Variants in RNF32 observed in about 807,000 individuals in gnomAD.
RNF32 encodes the protein ring finger protein 32.
In RNF32, 36 loss-of-function variants were observed where a neutral mutation model predicts 41.0. The ratio of observed to expected loss-of-function variants is 0.88; its 90% CI spans 0.67 to 1.16. RNF32 has a LOEUF of 1.16. Ranked by LOEUF, RNF32 falls within the 50% of genes most tolerant of loss-of-function variation. The pLI, the probability that RNF32 is intolerant of heterozygous loss-of-function variation, is 0.00. For missense variants in RNF32, 413 were observed against 436.7 expected, an observed-to-expected ratio of 0.95 and a Z score of 0.48; for synonymous variants, 154 against 160.9, an observed-to-expected ratio of 0.96 and a Z score of 0.32.
chr7:156,661,190 A>T (rs1257581477), intron 7 of RNF32, among the ~76,000 whole-genome samples: 11 of 132,258 alleles, frequency 8.3e-5, no homozygotes, highest in Admixed American at 7.3e-4. Flanking sequence ...ACTTCAGCTT[A>T]AACTCCAGCA....
intron 7 of RNF32, among the ~76,000 whole-genome samples, chr7:156,667,347 T>C (rs1000282111): frequency 3.3e-5 from 5 of 152,226 alleles, no homozygotes; most frequent in African/African-American, 1.2e-4. Flanking sequence ...ATATTTTTTT[T>C]AAATGTTTAG....
In RNF32 at chr7:156,667,936, A is replaced by T. The variant is rs1054642792; in HGVS notation, c.685-7760A>T. Among the ~76,000 whole-genome samples the T allele has an allele frequency of 2.0e-5, 3 of 152,214 alleles. No homozygotes were observed. The South Asian group carries it at 6.2e-4, about 31-fold the overall frequency. Reference sequence around the variant, plus strand: ...AAAGTTGACGTTTTACTGAATTTTGACGCTGAAAGTAACTTGAAAATCATT... The same window carrying T: ...AAAGTTGACGTTTTACTGAATTTTGTCGCTGAAAGTAACTTGAAAATCATT... On this transcript the variant is annotated intron_variant, in intron 7 of 8. Coordinates refer to ENST00000317955, the MANE Select transcript of RNF32 (RefSeq NM_030936.4).
At chr7:156,658,771 C>T (rs1433716176) in intron 7 of RNF32, 1 of 921,238 alleles carries the variant, frequency 1.1e-6, no homozygotes, top group East Asian at 2.6e-5. Context: ...TCTAGACTTT[C>T]TTTTCTAGTT....
intron 8 of RNF32, 171 bp from the exon 9 acceptor site, chr7:156,676,248 T>TAC: frequency 2.6e-6 from 4 of 1,533,438 alleles, no homozygotes. Flanking sequence ...TGTGTGTGTA[T>TAC]ATATATATGT....
chr7:156,676,527 T>C lies in RNF32; in HGVS notation c.961T>C (p.Ser321Pro), dbSNP rs762253176. 2 of 1,614,000 alleles carry C rather than the reference T, an allele frequency of 1.2e-6. No homozygotes were observed. The highest frequency in any genetic ancestry group is 1.7e-6 in the Non-Finnish European group (2 of 1,179,994). ...GCGTTCCAGAGAGATGGCCCTCCTGTCCTGCTCACATGTGTTCCACCATGC... is the reference window on the plus strand; with the variant it reads ...GCGTTCCAGAGAGATGGCCCTCCTGCCCTGCTCACATGTGTTCCACCATGC... Reference protein sequence around the residue: ...GRRSREMALLSCSHVFHHACL... With the variant: ...GRRSREMALLPCSHVFHHACL... The change falls in exon 9 of 9, where the codon TCC becomes CCC. Residue 321 changes from serine (S) to proline (P), a missense_variant. Transcript: ENST00000317955.
At chr7:156,661,773 A>G (rs74606075) in intron 7 of RNF32, among the ~76,000 whole-genome samples, 1 of 152,220 alleles carries the variant, frequency 6.6e-6, no homozygotes, top group South Asian at 2.1e-4. Flanking sequence ...GGCCTACTAC[A>G]TTAATGTTAT....
intron 1 of RNF32, among the ~76,000 whole-genome samples, chr7:156,643,319 GT>G (rs1797601328): frequency 6.6e-6 from 1 of 152,188 alleles, no homozygotes. Context: ...GTTAGCCAGT[GT>G]TCCTCTTGCG....
In RNF32 at chr7:156,640,822, G is replaced by GC; in HGVS notation, c.-78+12dup. On this transcript the variant is annotated intron_variant, in intron 1 of 8. Coordinates refer to ENST00000317955, the MANE Select transcript of RNF32 (RefSeq NM_030936.4). ...CGCGGAGGAGTCGAGGCACGGAGAG[G>GC]CTTCGGGGGAGGGACGGAAAGAAGG... The GC allele has an allele frequency of 4.6e-6, 1 of 215,464 alleles. No homozygotes were observed. Among genetic ancestry groups the GC allele is most frequent in the South Asian group, 5.0e-5 (1 of 20,132 alleles). The allele number at this position is 215,464 out of a possible 1,614,324, so 13.3% of individuals were successfully genotyped here. A position where few individuals can be genotyped will look rare whatever the true frequency, so the allele number is the denominator to read the frequency against.
chr7:156,662,631 C>T (rs58899462), intron 7 of RNF32, among the ~76,000 whole-genome samples: 2,115 of 151,762 alleles, frequency 0.014, 58 homozygotes, highest in East Asian at 0.12. Context: ...TGTAGATACA[C>T]AGAAAGGGAG....
intron 8 of RNF32, 119 bp downstream of exon 8, chr7:156,675,982 C>T (rs200783898): frequency 2.9e-4 from 308 of 1,051,834 alleles, no homozygotes; most frequent in Non-Finnish European, 3.8e-4. Flanking sequence ...GTGTCAGGCC[C>T]GGGGTGCAGC....
chr7:156,670,895 T>G lies in RNF32; in HGVS notation c.685-4801T>G, dbSNP rs923678611. Among the ~76,000 whole-genome samples the G allele has an allele frequency of 7.2e-5, 11 of 152,116 alleles. No homozygotes were observed. The highest frequency in any genetic ancestry group is 2.7e-4 in the African/African-American group (11 of 41,426). ...GACGGGAAATCTGAGATGTCAGTGG[T>G]AAAAATGTGAGTAAATCTAATAGAC... On this transcript the variant is annotated intron_variant, in intron 7 of 8. Transcript: ENST00000317955. The surrounding 1 kb of genome is among the most constrained non-coding windows in gnomAD (Gnocchi z 4.3).
At chr7:156,674,961 A>C (rs1350022473) in intron 7 of RNF32, among the ~76,000 whole-genome samples, 1 of 152,156 alleles carries the variant, frequency 6.6e-6, no homozygotes, top group Non-Finnish European at 1.5e-5. Flanking sequence ...ACAGCAGGGG[A>C]GGGAAACAAT....
Position 156,670,076 on chromosome 7 carries a change from T to A in RNF32, c.685-5620T>A, listed in dbSNP as rs1802144352. On this transcript the variant is annotated intron_variant, in intron 7 of 8. Coordinates refer to ENST00000317955, the MANE Select transcript of RNF32 (RefSeq NM_030936.4). This position sits in a 1 kb window ranked among gnomAD's most constrained non-coding sequence, Gnocchi z 4.3. ...TATTTAATGTTATTCTAAGAAAAAA[T>A]TAAATTATAAATTTTATGACTTTCA... Among the ~76,000 whole-genome samples, 1 of 152,232 alleles carries A rather than the reference T, an allele frequency of 6.6e-6. No homozygotes were observed. The highest frequency in any genetic ancestry group is 1.5e-5 in the Non-Finnish European group (1 of 68,052).
Position 156,675,961 on chromosome 7 carries a change from G to A in RNF32, c.852+98G>A, listed in dbSNP as rs1366784722. 3 of 1,287,416 alleles carry A rather than the reference G, an allele frequency of 2.3e-6. No homozygotes were observed. In the South Asian group the frequency reaches 4.0e-5, roughly 17 times the overall value. The allele number at this position is 1,287,416 out of a possible 1,614,324, so 79.7% of individuals were successfully genotyped here. A position where few individuals can be genotyped will look rare whatever the true frequency, so the allele number is the denominator to read the frequency against. ...GGGGGAGGTCGAGGACTCACTTTGG[G>A]GAGCCTAGGAGTGTCAGGCCCGGGG... On this transcript the variant is annotated intron_variant, in intron 8 of 8. Transcript: ENST00000317955.
intron 7 of RNF32, among the ~76,000 whole-genome samples, chr7:156,673,587 G>C (rs936097628): frequency 6.6e-6 from 1 of 152,174 alleles, no homozygotes. Context: ...TTCCAAGTAC[G>C]GCTAATCCCA....
chr7:156,676,632 CAGA>C lies in RNF32; in HGVS notation c.1073_1075del (p.Lys358del), dbSNP rs751324508. ...CTGTCCTCTCTGCCGCTCCTGCTAC[CAGA>C]AGAAGATTCTTGAATGTTGAATTCA... On this transcript the variant is annotated inframe_deletion, in exon 9 of 9. Transcript: ENST00000317955. The C allele has an allele frequency of 1.1e-5, 18 of 1,613,742 alleles. No homozygotes were observed. Among genetic ancestry groups the C allele is most frequent in the Admixed American group, 5.0e-5 (3 of 60,024 alleles).
At chr7:156,641,261 C>T (rs1039484316) in intron 1 of RNF32, among the ~76,000 whole-genome samples, 1 of 152,168 alleles carries the variant, frequency 6.6e-6, no homozygotes, top group Admixed American at 6.5e-5. Flanking sequence ...CGTAGGATTG[C>T]ATCTTTACGT....
chr7:156,654,264 T>A (rs1259431151), intron 3 of RNF32: 1 of 196,088 alleles, frequency 5.1e-6, no homozygotes, highest in African/African-American at 2.3e-5. Flanking sequence ...AAAAACAATA[T>A]AGTATAACAG....
rs1326538725 is a variant in RNF32, at chr7:156,669,719, G to A, written c.685-5977G>A. Among the ~76,000 whole-genome samples, 1 of 152,216 alleles carries A rather than the reference G, an allele frequency of 6.6e-6. No homozygotes were observed. Among genetic ancestry groups the A allele is most frequent in the Non-Finnish European group, 1.5e-5 (1 of 68,036 alleles). On this transcript the variant is annotated intron_variant, in intron 7 of 8. Coordinates refer to ENST00000317955, the MANE Select transcript of RNF32 (RefSeq NM_030936.4). The surrounding 1 kb of genome is among the most constrained non-coding windows in gnomAD (Gnocchi z 4.2). ...AGACCAAAGAGGGTGAAGAGGGCAG[G>A]GCTGGGACTCCCAGGGAGAAGGGGC...
Sources: gnomAD v4.1 joint callset for allele counts (sites outside exome capture counted in the v4.1 genomes callset) on GRCh38, gnomAD v4.1.1 for gene constraint, Gnocchi (gnomAD v3.1) non-coding constraint, MANE v1.5 for transcripts, NCBI Gene and HGNC (gene_info 2026-07-23, HGNC 2026-07-21) for gene names.